DUSP8: variants seen among roughly 807,000 people sequenced by gnomAD.
The protein encoded by DUSP8 is dual specificity protein phosphatase 8.
Under a neutral mutation model 38.7 loss-of-function variants are expected in DUSP8, and 15 were observed. The observed-to-expected ratio is 0.39, with a 90% CI of 0.26 to 0.60. DUSP8 has a LOEUF of 0.60. DUSP8 is among the 20% of genes least tolerant of loss of function. The pLI is 0.56. For missense variants in DUSP8, 768 were observed against 915.0 expected (o/e 0.84, Z 2.07); for synonymous variants, 458 against 433.9 (o/e 1.06, Z -0.69).
At position 1,556,514 on chromosome 11, in the gene DUSP8, G is replaced by C; in HGVS notation, c.*4C>G. 13 of 1,239,918 alleles carry C rather than the reference G, an allele frequency of 1.0e-5. No individual in the cohort carries two copies. Among genetic ancestry groups the C allele is most frequent in the Non-Finnish European group, 1.3e-5 (13 of 991,360 alleles). The allele number at this position is 1,239,918 out of a possible 1,614,324, so 76.8% of individuals were successfully genotyped here. A position where few individuals can be genotyped will look rare whatever the true frequency, so the allele number is the denominator to read the frequency against. ...GGGCGGCGGGGCCGAGGGCAGCGGAGGGGTCAGGACACCTCGATGACCTCC... is the reference window on the plus strand; with the variant it reads ...GGGCGGCGGGGCCGAGGGCAGCGGACGGGTCAGGACACCTCGATGACCTCC... On this transcript the variant is annotated 3_prime_UTR_variant, in exon 7 of 7. Coordinates refer to ENST00000397374, the MANE Select transcript of DUSP8 (RefSeq NM_004420.3). The surrounding 1 kb of genome is among the most constrained non-coding windows in gnomAD (Gnocchi z 5.2).
Position 1,557,318 on chromosome 11 carries a change from CG to C in DUSP8, c.1077del (p.Ala360ArgfsTer115). On this transcript the variant is annotated frameshift_variant, in exon 7 of 7. Coordinates refer to ENST00000397374, the MANE Select transcript of DUSP8 (RefSeq NM_004420.3). LOFTEE classifies it high-confidence loss of function. The surrounding 1 kb of genome is among the most constrained non-coding windows in gnomAD (Gnocchi z 9.9). The part of the protein sequence containing the change: ...EGGLSAGGEP[P>X]APPTPPATSA... ...CTGGTCGCCGGGGGCGTGGGGGGCG[CG>C]GGGGGCTCCCCGCCCGCGCTCAGGC... 1 of 1,490,642 alleles carries C rather than the reference CG, an allele frequency of 6.7e-7. No individual in the cohort carries two copies. The highest frequency in any genetic ancestry group is 1.3e-5 in the South Asian group (1 of 77,554). The allele number at this position is 1,490,642 out of a possible 1,614,324, so 92.3% of individuals were successfully genotyped here. A position where few individuals can be genotyped will look rare whatever the true frequency, so the allele number is the denominator to read the frequency against.
In DUSP8 at chr11:1,555,490, G is replaced by T. The variant is rs1419668776; in HGVS notation, c.*1028C>A. 1.1e-6 allele frequency: 1 copy of T among 936,738 alleles called. No homozygotes were observed. The highest frequency in any genetic ancestry group is 4.9e-5 in the South Asian group (1 of 20,268). 58.0% of individuals were successfully genotyped at this position (936,738 alleles called of 1,614,324 possible). ...GTTCTGCCTGGGGCATGGCTGGGAG[G>T]GGGGCGGGGCAGACCTGGAACAGAA... is the stretch of plus-strand genomic sequence containing the variant. On this transcript the variant is annotated 3_prime_UTR_variant, in exon 7 of 7. Coordinates refer to ENST00000397374, the MANE Select transcript of DUSP8 (RefSeq NM_004420.3).
At position 1,555,205 on chromosome 11, in the gene DUSP8, A is replaced by C; in HGVS notation, c.*1313T>G. The C allele has an allele frequency of 1.0e-6, 1 of 987,874 alleles. No homozygotes were observed. Among genetic ancestry groups the C allele is most frequent in the Non-Finnish European group, 1.2e-6 (1 of 830,206 alleles). The allele number at this position is 987,874 out of a possible 1,614,324, so 61.2% of individuals were successfully genotyped here. On this transcript the variant is annotated 3_prime_UTR_variant, in exon 7 of 7. Transcript: ENST00000397374. ...GCAGCAGGCTGACCCACCTGGGCCCAAAAGCCACTTGTGTTTGGGGGCTGG... is the reference window on the plus strand; with the variant it reads ...GCAGCAGGCTGACCCACCTGGGCCCCAAAGCCACTTGTGTTTGGGGGCTGG...
In DUSP8 at chr11:1,555,148, G is replaced by A. The variant is rs1016140735; in HGVS notation, c.*1370C>T. The A allele has an allele frequency of 9.1e-6, 9 of 987,720 alleles. No homozygotes were observed. Among genetic ancestry groups the A allele is most frequent in the African/African-American group, 1.7e-5 (1 of 57,286 alleles). The allele number at this position is 987,720 out of a possible 1,614,324, so 61.2% of individuals were successfully genotyped here. ...ACCCTAGGACATCTGAAGGGCAGGGGTCCCAATGGCCCGAGGGGGTATGGG... is the reference window on the plus strand; with the variant it reads ...ACCCTAGGACATCTGAAGGGCAGGGATCCCAATGGCCCGAGGGGGTATGGG... On this transcript the variant is annotated 3_prime_UTR_variant, in exon 7 of 7. Transcript: ENST00000397374.
chr11:1,565,631 T>C lies in DUSP8; in HGVS notation c.196A>G (p.Ile66Val), dbSNP rs1848789868. The change falls in exon 2 of 7, where the codon ATT becomes GTT. Residue 66 changes from isoleucine (I) to valine (V), a missense_variant. Physicochemically the swap from Ile to Val is conservative, Grantham distance 29. This residue lies in a region of DUSP8 where 252 missense variants were observed against 410.4 expected (regional missense o/e 0.61). Coordinates refer to ENST00000397374, the MANE Select transcript of DUSP8 (RefSeq NM_004420.3). The part of the protein sequence containing the change: ...KRRLQQGKVT[I>V]AELIQPAARS... ...GCAGCCGGCTGGATGAGCTCCGCAA[T>C]GGTCACCTTGCCCTGCTGCAGCCGC... The C allele has an allele frequency of 1.2e-6, 2 of 1,610,350 alleles. No individual in the cohort carries two copies.
chr11:1,561,401 C>T (rs1848714561), intron 3 of DUSP8, among the ~76,000 whole-genome samples: 2 of 152,230 alleles, frequency 1.3e-5, no homozygotes. Context: ...CTGCCCGCCA[C>T]CTCCATGACC....
chr11:1,560,627 C>T (rs181584331), intron 3 of DUSP8, among the ~76,000 whole-genome samples: 188 of 152,318 alleles, frequency 1.2e-3, no homozygotes, highest in Middle Eastern at 3.4e-3. Flanking sequence ...GACTTGTCAC[C>T]AACGACGCCC....
In DUSP8 at chr11:1,565,753, C is replaced by G; in HGVS notation, c.74G>C (p.Gly25Ala). 6 of 1,611,694 alleles carry G rather than the reference C, an allele frequency of 3.7e-6. No individual in the cohort carries two copies. Among genetic ancestry groups the G allele is most frequent in the Non-Finnish European group, 5.1e-6 (6 of 1,179,574 alleles). Reference sequence around the variant, plus strand: ...GCGGCTGTCGATGACCAGCGGCCCCCCAGGCCCGCCCCGCAGCAGGCTGGC... The same window carrying G: ...GCGGCTGTCGATGACCAGCGGCCCCGCAGGCCCGCCCCGCAGCAGGCTGGC... ...KLASLLRGGP[G>A]GPLVIDSRSF... The change falls in exon 2 of 7, where the codon GGG (glycine) becomes GCG (alanine). Residue 25 changes from glycine (G) to alanine (A), a missense_variant. Around this residue, in one of 3 missense-constraint regions of DUSP8, gnomAD observed 252 missense variants for 410.4 expected, o/e 0.61. Coordinates refer to ENST00000397374, the MANE Select transcript of DUSP8 (RefSeq NM_004420.3).
chr11:1,558,234 T>C lies in DUSP8; in HGVS notation c.575A>G (p.Asn192Ser). 1 of 1,608,484 alleles carries C rather than the reference T, an allele frequency of 6.2e-7. No individual in the cohort carries two copies. Among genetic ancestry groups the C allele is most frequent in the Non-Finnish European group, 8.5e-7 (1 of 1,179,206 alleles). Reference sequence around the variant, plus strand: ...AGGCTTGGGGCAGGAGTTGCTGGCGTTGAGGACGTAGCTTATTCCATTTTG... The same window carrying C: ...AGGCTTGGGGCAGGAGTTGCTGGCGCTGAGGACGTAGCTTATTCCATTTTG... ...MTQNGISYVL[N>S]ASNSCPKPDF... The change falls in exon 5 of 7, where the codon AAC becomes AGC. Residue 192 changes from asparagine (N) to serine (S), a missense_variant. This residue lies in a region of DUSP8 where 252 missense variants were observed against 410.4 expected (regional missense o/e 0.61). Transcript: ENST00000397374. This position sits in a 1 kb window ranked among gnomAD's most constrained non-coding sequence, Gnocchi z 6.3.
chr11:1,555,499 G>GCCCGCGC lies in DUSP8; in HGVS notation c.*1018_*1019insGCGCGGG. ...GGGGCATGGCTGGGAGGGGGGCGGG[G>GCCCGCGC]CAGACCTGGAACAGAACCCTAAGAC... On this transcript the variant is annotated 3_prime_UTR_variant, in exon 7 of 7. Transcript: ENST00000397374. 1 of 348,850 alleles carries GCCCGCGC rather than the reference G, an allele frequency of 2.9e-6. No homozygotes were observed. The highest frequency in any genetic ancestry group is 4.0e-6 in the Non-Finnish European group (1 of 248,820). The allele number at this position is 348,850 out of a possible 1,614,324, so 21.6% of individuals were successfully genotyped here.
Position 1,555,492 on chromosome 11 carries a change from G to A in DUSP8, c.*1026C>T. On this transcript the variant is annotated 3_prime_UTR_variant, in exon 7 of 7. Coordinates refer to ENST00000397374, the MANE Select transcript of DUSP8 (RefSeq NM_004420.3). ...TCTGCCTGGGGCATGGCTGGGAGGGGGGCGGGGCAGACCTGGAACAGAACC... is the reference window on the plus strand; with the variant it reads ...TCTGCCTGGGGCATGGCTGGGAGGGAGGCGGGGCAGACCTGGAACAGAACC... The A allele has an allele frequency of 2.5e-6, 2 of 796,838 alleles. No homozygotes were observed. Among genetic ancestry groups the A allele is most frequent in the Non-Finnish European group, 1.5e-6 (1 of 657,080 alleles). 49.4% of individuals were successfully genotyped at this position (796,838 alleles called of 1,614,324 possible).
Position 1,556,472 on chromosome 11 carries a change from A to G in DUSP8, c.*46T>C, listed in dbSNP as rs1400603740. Reference sequence around the variant, plus strand: ...TTTGCATTATATATAATATACATTTATAACGGGCCTGGCTGCGGGCGGCGG... The same window carrying G: ...TTTGCATTATATATAATATACATTTGTAACGGGCCTGGCTGCGGGCGGCGG... On this transcript the variant is annotated 3_prime_UTR_variant, in exon 7 of 7. Coordinates refer to ENST00000397374, the MANE Select transcript of DUSP8 (RefSeq NM_004420.3). The surrounding 1 kb of genome is among the most constrained non-coding windows in gnomAD (Gnocchi z 5.2). 6 of 1,232,024 alleles carry G rather than the reference A, an allele frequency of 4.9e-6. No individual in the cohort carries two copies. The East Asian group carries it at 9.5e-5, about 19-fold the overall frequency. 76.3% of individuals were successfully genotyped at this position (1,232,024 alleles called of 1,614,324 possible).
upstream of DUSP8, among the ~76,000 whole-genome samples, chr11:1,572,573 C>A (rs1481330887): frequency 6.6e-6 from 1 of 151,770 alleles, no homozygotes; most frequent in African/African-American, 2.4e-5. The surrounding 1 kb of genome is among the most constrained non-coding windows in gnomAD (Gnocchi z 4.7). Context: ...CCCGCGTCAC[C>A]CAGGCCCCCC....
chr11:1,557,181 G>C lies in DUSP8; in HGVS notation c.1215C>G (p.Ser405Arg). The part of the protein sequence containing the change: ...SLDIKSAYAP[S>R]RRPDGPGPPD... ...GGGGCCCGGGGCCGTCGGGCCGCCTGCTAGGGGCGTAGGCAGACTTGATGT... is the reference window on the plus strand; with the variant it reads ...GGGGCCCGGGGCCGTCGGGCCGCCTCCTAGGGGCGTAGGCAGACTTGATGT... The change falls in exon 7 of 7, where the codon AGC (serine) becomes AGG (arginine). Residue 405 changes from serine (S) to arginine (R), a missense_variant. By Grantham distance (110) the Ser-to-Arg change is moderately radical (BLOSUM62 -1). This residue lies in a region of DUSP8 where 474 missense variants were observed against 430.8 expected (regional missense o/e 1.10). Transcript: ENST00000397374. The surrounding 1 kb of genome is among the most constrained non-coding windows in gnomAD (Gnocchi z 9.9). 6.8e-7 allele frequency: 1 copy of C among 1,466,214 alleles called. No homozygotes were observed. Among genetic ancestry groups the C allele is most frequent in the Non-Finnish European group, 9.0e-7 (1 of 1,114,954 alleles). 90.8% of individuals were successfully genotyped at this position (1,466,214 alleles called of 1,614,324 possible).
intron 3 of DUSP8, among the ~76,000 whole-genome samples, chr11:1,562,147 C>T (rs1332655110): frequency 6.6e-6 from 1 of 152,160 alleles, no homozygotes; most frequent in Admixed American, 6.5e-5. Context: ...CGCCCACCTG[C>T]ACACCCATGC....
chr11:1,568,609 G>C (rs1054954617), intron 1 of DUSP8, among the ~76,000 whole-genome samples: 1 of 152,240 alleles, frequency 6.6e-6, no homozygotes, highest in Non-Finnish European at 1.5e-5. Flanking sequence ...GAGTGGGCAC[G>C]CGCCCCTCCC....
chr11:1,571,073 G>A (rs908646877), intron 1 of DUSP8, among the ~76,000 whole-genome samples: 10 of 152,110 alleles, frequency 6.6e-5, no homozygotes, highest in Non-Finnish European at 1.2e-4. Context: ...GCAGAGGCCG[G>A]TACACCCCGC....
Position 1,566,471 on chromosome 11 carries a change from T to C in DUSP8, c.-108-537A>G, listed in dbSNP as rs974071092. 5.9e-5 allele frequency among the ~76,000 whole-genome samples: 9 copies of C among 152,112 alleles called. No homozygotes were observed. The East Asian group carries it at 1.7e-3, about 29-fold the overall frequency. ...CTCCGTAAGCCGATAATCCAGCCCC[T>C]GGTGGATGGTGGCCTTGGGGCTGCC... On this transcript the variant is annotated intron_variant, in intron 1 of 6. Transcript: ENST00000397374.
Position 1,565,892 on chromosome 11 carries a change from G to T in DUSP8, c.-66C>A. 1 of 1,362,430 alleles carries T rather than the reference G, an allele frequency of 7.3e-7. No individual in the cohort carries two copies. The highest frequency in any genetic ancestry group is 1.0e-6 in the Non-Finnish European group (1 of 961,344). The allele number at this position is 1,362,430 out of a possible 1,614,324, so 84.4% of individuals were successfully genotyped here. On this transcript the variant is annotated 5_prime_UTR_variant, in exon 2 of 7. Coordinates refer to ENST00000397374, the MANE Select transcript of DUSP8 (RefSeq NM_004420.3). ...AGGAGGGGCTGCTCCGACGGCCCAGGTGTGGCCTCGCGCTGGGAGTGACCT... is the reference window on the plus strand; with the variant it reads ...AGGAGGGGCTGCTCCGACGGCCCAGTTGTGGCCTCGCGCTGGGAGTGACCT...
Sources: allele counts gnomAD v4.1 joint callset (sites outside exome capture counted in the v4.1 genomes callset), GRCh38; gene constraint gnomAD v4.1.1; regional missense constraint gnomAD v4.1.1; non-coding constraint Gnocchi (gnomAD v3.1); transcripts MANE v1.5; gene names NCBI Gene and HGNC (gene_info 2026-07-23, HGNC 2026-07-21).